ADAP1: variants seen among roughly 807,000 people sequenced by gnomAD.
The protein encoded by ADAP1 is ArfGAP with dual PH domains 1, also known as arf-GAP with dual PH domain-containing protein 1.
In ADAP1, 31 loss-of-function variants were observed where a neutral mutation model predicts 54.9. The observed-to-expected ratio is 0.56, with a 90% confidence interval of 0.42 to 0.76. The LOEUF is 0.76. Among genes scored for constraint, ADAP1 ranks in the 30% least tolerant of loss-of-function variants. ADAP1 has a pLI of 0.00. For synonymous variants in ADAP1, 313 were observed against 202.6 expected (o/e 1.55, Z -4.63); for missense variants, 535 against 512.4 (o/e 1.04, Z -0.42).
chr7:917,046 G>A (rs1159841598), intron 4 of ADAP1, among the ~76,000 whole-genome samples: 3 of 25,460 alleles, frequency 1.2e-4, no homozygotes, highest in African/African-American at 1.9e-4. Flanking sequence ...CAGCTCTACC[G>A]GGGAGGTGCA....
intron 4 of ADAP1, among the ~76,000 whole-genome samples, chr7:906,368 A>G (rs199784580): frequency 0.18 from 382 of 2,070 alleles, 115 homozygotes; most frequent in African/African-American, 0.25. Context: ...AGGGAGAAAG[A>G]GAAAGGAGAA....
chr7:936,075 C>T (rs1846752157), intron 1 of ADAP1, among the ~76,000 whole-genome samples: 1 of 152,340 alleles, frequency 6.6e-6, no homozygotes, highest in South Asian at 2.1e-4. Context: ...GGTGTGACAG[C>T]GGCGCTGTGG....
intron 1 of ADAP1, among the ~76,000 whole-genome samples, chr7:942,316 G>GA (rs546412431): frequency 3.6e-3 from 504 of 140,054 alleles, no homozygotes; most frequent in Non-Finnish European, 5.6e-3. Context: ...GAGGAAGAGA[G>GA]GAGGAGGAAG....
intron 4 of ADAP1, among the ~76,000 whole-genome samples, chr7:909,560 G>A (rs921151409): frequency 6.6e-6 from 1 of 152,226 alleles, no homozygotes; most frequent in Non-Finnish European, 1.5e-5. Context: ...CTGAGCCTCT[G>A]CTCTCCCCAT....
At chr7:905,329 G>T (rs1444897861) in intron 4 of ADAP1, 157 bp from the exon 5 acceptor site, 1 of 527,312 alleles carries the variant, frequency 1.9e-6, no homozygotes, top group Admixed American at 2.7e-5. Context: ...AGGGGACATG[G>T]AGGAGACAGG....
At chr7:939,033 G>A (rs951671489) in intron 1 of ADAP1, among the ~76,000 whole-genome samples, 1 of 152,148 alleles carries the variant, frequency 6.6e-6, no homozygotes, top group Non-Finnish European at 1.5e-5. Context: ...GCTGGGCCTG[G>A]AAGGAGGCCT....
intron 4 of ADAP1, among the ~76,000 whole-genome samples, chr7:908,465 G>A (rs1466428342): frequency 2.0e-5 from 3 of 152,176 alleles, no homozygotes; most frequent in African/African-American, 2.4e-5. Flanking sequence ...CGCTCCCCAA[G>A]CCTCTACAAG....
At position 899,047 on chromosome 7, in the gene ADAP1, G is replaced by C; in HGVS notation, c.1082C>G (p.Pro361Arg). 1 of 1,608,898 alleles carries C rather than the reference G, an allele frequency of 6.2e-7. No individual in the cohort carries two copies. The highest frequency in any genetic ancestry group is 8.5e-7 in the Non-Finnish European group (1 of 1,179,874). The change falls in exon 10 of 11, where the codon CCC (proline) becomes CGC (arginine). Residue 361 changes from proline (P) to arginine (R), a missense_variant. Coordinates refer to ENST00000265846, the MANE Select transcript of ADAP1 (RefSeq NM_006869.4). Reference protein sequence around the residue: ...FQKAVDRPMLPQEYAVEAHFK... With the variant: ...FQKAVDRPMLRQEYAVEAHFK... ...GCCCCCCTCACCTGCGTACTCCTGG[G>C]GCAGCATGGGCCTGTCCACCGCCTT...
intron 4 of ADAP1, among the ~76,000 whole-genome samples, chr7:916,278 G>A (rs559570817): frequency 3.3e-5 from 5 of 152,316 alleles, no homozygotes; most frequent in Admixed American, 2.0e-4. Context: ...AGGAGATAGA[G>A]GTGCTGAAAC....
chr7:901,307 C>G, intron 6 of ADAP1: 1 of 299,964 alleles, frequency 3.3e-6, no homozygotes. Flanking sequence ...ACCCTTGGCC[C>G]CATGACATTA....
At chr7:901,038 G>A (rs1407293093) in intron 6 of ADAP1, 3 of 473,080 alleles carry the variant, frequency 6.3e-6, no homozygotes, top group East Asian at 6.9e-5. Context: ...AAGTCTTGGG[G>A]TGGTGGGAGA....
intron 3 of ADAP1, chr7:921,018 G>A (rs1255320946): frequency 3.0e-6 from 2 of 665,178 alleles, no homozygotes; most frequent in Non-Finnish European, 5.1e-6. Flanking sequence ...TCTGGCCCCT[G>A]GCCCCAGGTG....
intron 3 of ADAP1, among the ~76,000 whole-genome samples, chr7:925,850 G>A (rs545294860): frequency 3.3e-5 from 5 of 152,366 alleles, no homozygotes; most frequent in Admixed American, 6.5e-5. Context: ...AACGGAGGGC[G>A]GTGCCCAGTG....
chr7:922,800 A>G (rs1298459653), intron 3 of ADAP1, among the ~76,000 whole-genome samples: 1 of 150,628 alleles, frequency 6.6e-6, no homozygotes, highest in Non-Finnish European at 1.5e-5. Flanking sequence ...GGTGGTGTTC[A>G]CGCCCCCGCC....
intron 4 of ADAP1, among the ~76,000 whole-genome samples, chr7:916,940 G>A (rs1845957351): frequency 6.6e-6 from 1 of 150,878 alleles, no homozygotes; most frequent in South Asian, 2.1e-4. Context: ...AGGTGCACGG[G>A]AGGGGGGCGC....
intron 1 of ADAP1, among the ~76,000 whole-genome samples, chr7:936,926 A>G (rs1428826804): frequency 6.6e-6 from 1 of 152,212 alleles, no homozygotes; most frequent in African/African-American, 2.4e-5. Flanking sequence ...GGGGACTCCC[A>G]TGCCAGGCGG....
intron 4 of ADAP1, 140 bp from the exon 5 acceptor site, chr7:905,312 CGGGGAG>C: frequency 3.9e-6 from 1 of 255,280 alleles, no homozygotes. Context: ...GGGAGACGGA[CGGGGAG>C]AGGGGACATG....
At chr7:921,325 C>G (rs1846184474) in intron 3 of ADAP1, among the ~76,000 whole-genome samples, 1 of 152,220 alleles carries the variant, frequency 6.6e-6, no homozygotes. Flanking sequence ...AAAGATCCTA[C>G]TTTTCTTTCT....
At chr7:908,228 C>T (rs1228495007) in intron 4 of ADAP1, among the ~76,000 whole-genome samples, 1 of 152,196 alleles carries the variant, frequency 6.6e-6, no homozygotes, top group Non-Finnish European at 1.5e-5. Flanking sequence ...TTGCAGACAC[C>T]GCCCATCAGC....
Sources: gnomAD v4.1 joint callset for allele counts (sites outside exome capture counted in the v4.1 genomes callset) on GRCh38, gnomAD v4.1.1 for gene constraint, MANE v1.5 for transcripts, NCBI Gene and HGNC (gene_info 2026-07-23, HGNC 2026-07-21) for gene names.